FRMPD4: variants seen among roughly 807,000 people sequenced by gnomAD.
FRMPD4 encodes FERM and PDZ domain containing 4, also known as FERM and PDZ domain-containing protein 4.
FRMPD4 carries 22 observed loss-of-function variants against 94.1 expected under a neutral mutation model. The ratio of observed to expected loss-of-function variants is 0.23; its 90% CI spans 0.17 to 0.33. The LOEUF (loss-of-function observed/expected upper bound fraction) is 0.33. Among genes scored for constraint, FRMPD4 ranks in the 10% least tolerant of loss-of-function variants. The probability of loss-of-function intolerance (pLI) is 1.00; values close to 1 mark genes in which losing one functional copy is unlikely to be tolerated. For synonymous variants in FRMPD4, 631 were observed against 548.6 expected (o/e 1.15, Z -2.10); for missense variants, 1,111 against 1,339.9 (o/e 0.83, Z 2.67).
intron 5 of FRMPD4, 108 bp downstream of exon 5, chrX:12,675,016 T>A (rs764758649): frequency 5.1e-6 from 3 of 586,571 alleles, no homozygotes; most frequent in Non-Finnish European, 8.9e-6. Context: ...AAAAATAACA[T>A]GCACTCACAA....
intron 1 of FRMPD4, among the ~76,000 whole-genome samples, chrX:12,428,389 C>T (rs2056975319): frequency 9.0e-6 from 1 of 111,418 alleles, no homozygotes; most frequent in African/African-American, 3.3e-5. Context: ...CCTTAAAATA[C>T]CTCTCAACAC....
intron 1 of FRMPD4, among the ~76,000 whole-genome samples, chrX:12,233,977 A>T (rs868641157): frequency 6.8e-5 from 7 of 103,194 alleles, no homozygotes; most frequent in Non-Finnish European, 1.2e-4. Flanking sequence ...GAATGAATGA[A>T]TTATTTATTT....
chrX:12,643,501 G>GT (rs1222188929), intron 4 of FRMPD4, among the ~76,000 whole-genome samples: 1 of 112,021 alleles, frequency 8.9e-6, no homozygotes, highest in African/African-American at 3.2e-5. Flanking sequence ...AAGAGTGGCA[G>GT]TAAGAAGCCA....
At chrX:12,141,462 TA>T (rs1344109686) in intron 1 of FRMPD4, among the ~76,000 whole-genome samples, 1 of 112,272 alleles carries the variant, frequency 8.9e-6, no homozygotes, top group Non-Finnish European at 1.9e-5. Flanking sequence ...CTGGAATAAA[TA>T]AACTGCATAT....
chrX:12,618,240 G>T (rs1471534223), intron 4 of FRMPD4, among the ~76,000 whole-genome samples: 1 of 111,527 alleles, frequency 9.0e-6, no homozygotes, highest in Non-Finnish European at 1.9e-5. Flanking sequence ...ATTGCCCATA[G>T]AAACATTATG....
chrX:12,260,225 C>A (rs1377475931), intron 1 of FRMPD4, among the ~76,000 whole-genome samples: 1 of 111,014 alleles, frequency 9.0e-6, no homozygotes, highest in Non-Finnish European at 1.9e-5. Context: ...ATTTAAGTCT[C>A]CATACCTAAT....
intron 1 of FRMPD4, among the ~76,000 whole-genome samples, chrX:12,312,226 C>T (rs2055042036): frequency 1.0e-5 from 1 of 99,135 alleles, no homozygotes; most frequent in Non-Finnish European, 2.0e-5. Context: ...TCCTTTTCAA[C>T]TCTGCTCCAT....
chrX:11,991,443 C>A (rs1251611336), intron 3 of FRMPD4, among the ~76,000 whole-genome samples: 1 of 112,035 alleles, frequency 8.9e-6, no homozygotes, highest in East Asian at 2.8e-4. Flanking sequence ...CACCTTTGAA[C>A]TTACTTTGTC....
chrX:12,549,418 C>T (rs1198125651), intron 2 of FRMPD4, among the ~76,000 whole-genome samples: 1 of 112,529 alleles, frequency 8.9e-6, no homozygotes, highest in Admixed American at 9.5e-5. Context: ...TGACTGTTCT[C>T]ACTTTCCCAT....
chrX:12,025,753 T>C (rs183018423), intron 3 of FRMPD4, among the ~76,000 whole-genome samples: 53 of 111,640 alleles, frequency 4.7e-4, no homozygotes, highest in African/African-American at 1.7e-3. Context: ...AACCATTTGA[T>C]TGTTAAAGGA....
chrX:12,109,138 T>C (rs2055330626), intron 3 of FRMPD4, among the ~76,000 whole-genome samples: 1 of 111,735 alleles, frequency 8.9e-6, no homozygotes, highest in African/African-American at 3.3e-5. Context: ...CAGCACCACA[T>C]CACACTTATT....
chrX:11,897,083 GA>G (rs1442629184), intron 3 of FRMPD4, among the ~76,000 whole-genome samples: 1 of 101,131 alleles, frequency 9.9e-6, no homozygotes, highest in East Asian at 3.1e-4. Flanking sequence ...CTGCTTTCCT[GA>G]AAAACCTTGA....
intron 7 of FRMPD4, among the ~76,000 whole-genome samples, chrX:12,689,802 T>C (rs773419885): frequency 8.9e-6 from 1 of 112,908 alleles, no homozygotes; most frequent in East Asian, 2.8e-4. Flanking sequence ...TTTCCAACCC[T>C]TGGGGCAGAC....
intron 3 of FRMPD4, among the ~76,000 whole-genome samples, chrX:11,932,571 G>A (rs1429564381): frequency 9.0e-6 from 1 of 111,029 alleles, no homozygotes; most frequent in Non-Finnish European, 1.9e-5. Flanking sequence ...TTAGTCAGCT[G>A]TCCAAATGGG....
At chrX:12,370,090 A>G (rs940450576) in intron 1 of FRMPD4, among the ~76,000 whole-genome samples, 2 of 111,650 alleles carry the variant, frequency 1.8e-5, no homozygotes, top group Non-Finnish European at 3.8e-5. Context: ...TTTAAGAAAA[A>G]TCTTTTCTGC....
intron 9 of FRMPD4, among the ~76,000 whole-genome samples, chrX:12,698,634 A>G (rs1377855114): frequency 1.8e-5 from 2 of 110,142 alleles, no homozygotes; most frequent in African/African-American, 6.6e-5. Flanking sequence ...TTTGGAATAT[A>G]TATATATGTT....
intron 1 of FRMPD4, among the ~76,000 whole-genome samples, chrX:11,847,655 G>A (rs1411341221): frequency 5.5e-5 from 6 of 109,604 alleles, no homozygotes; most frequent in East Asian, 2.9e-4. Flanking sequence ...ATGAAAGACT[G>A]GATTAAGAAA....
At chrX:12,133,706 G>A (rs1365803857), upstream of FRMPD4, among the ~76,000 whole-genome samples, 1 of 111,930 alleles carries the variant, frequency 8.9e-6, no homozygotes, top group Non-Finnish European at 1.9e-5. Context: ...CCTGAGCCTG[G>A]CTACTTTTCA....
intron 4 of FRMPD4, among the ~76,000 whole-genome samples, chrX:12,641,166 A>C (rs1264492954): frequency 3.6e-5 from 4 of 111,470 alleles, no homozygotes; most frequent in Non-Finnish European, 5.6e-5. Flanking sequence ...TAATAGGGAG[A>C]GTTCTCAGGA....
Sources: gnomAD v4.1 joint callset for allele counts (sites outside exome capture counted in the v4.1 genomes callset) on GRCh38, gnomAD v4.1.1 for gene constraint, MANE v1.5 for transcripts, NCBI Gene and HGNC (gene_info 2026-07-23, HGNC 2026-07-21) for gene names.